LRRC74B: variants seen among roughly 807,000 people sequenced by gnomAD.
LRRC74B encodes the protein leucine rich repeat containing 74B, also known as leucine-rich repeat-containing protein 74B.
Under a neutral mutation model 16.6 loss-of-function variants are expected in LRRC74B, and 30 were observed. That is an observed-to-expected ratio of 1.80 (90% confidence interval 1.35 to 2.45). LRRC74B has a LOEUF of 2.45. Ranked by LOEUF, LRRC74B falls within the 30% of genes most tolerant of loss-of-function variation. LRRC74B has a pLI of 0.00. For missense variants in LRRC74B, 326 were observed against 202.4 expected (o/e 1.61, Z -3.71); for synonymous variants, 134 against 86.0 (o/e 1.56, Z -3.09).
intron 8 of LRRC74B, among the ~76,000 whole-genome samples, chr22:21,057,925 G>A (rs990362372): frequency 2.7e-5 from 4 of 147,590 alleles, no homozygotes; most frequent in Non-Finnish European, 4.5e-5. Flanking sequence ...TCACTCTGTC[G>A]CCCAGGCTGG....
chr22:21,053,671 T>C (rs1287230778), intron 6 of LRRC74B, 196 bp downstream of exon 6: 3 of 505,302 alleles, frequency 5.9e-6, no homozygotes, highest in Non-Finnish European at 1.1e-5. Context: ...TTGCCCAGGG[T>C]AGAGTGCAGT....
rs569155347 is a variant in LRRC74B at position 21,048,233 on chromosome 22, A to C, written c.415+217A>C. ...GAAGTCCTTTCCTCACCCACCCCAC[A>C]CCATCACTCCCCTCCCTTGCTGGCC... On this transcript the variant is annotated intron_variant, in intron 3 of 8. Transcript: ENST00000442047. The C allele has an allele frequency of 3.3e-5, 18 of 552,280 alleles. No homozygotes were observed. The African/African-American group carries it at 3.4e-4, about 10-fold the overall frequency. 34.2% of individuals were successfully genotyped at this position (552,280 alleles called of 1,614,324 possible).
At chr22:21,057,079 C>T (rs768723782) in intron 7 of LRRC74B, 26 bp from the exon 8 acceptor site, 27 of 716,790 alleles carry the variant, frequency 3.8e-5, no homozygotes, top group East Asian at 3.0e-4. Context: ...CCTGGCTTCT[C>T]GCAGCTTTGT....
chr22:21,053,349 T>G lies in LRRC74B; in HGVS notation c.733-11T>G, dbSNP rs1366741683. Reference sequence around the variant, plus strand: ...GATGGGGTCCCATGACTTCACTCTTTGGTATTCTAGGCAAACATCTTCCTT... The same window carrying G: ...GATGGGGTCCCATGACTTCACTCTTGGGTATTCTAGGCAAACATCTTCCTT... On this transcript the variant is annotated splice_polypyrimidine_tract_variant and intron_variant, in intron 5 of 8. Transcript: ENST00000442047. 1 of 716,168 alleles carries G rather than the reference T, an allele frequency of 1.4e-6. No individual in the cohort carries two copies. The highest frequency in any genetic ancestry group is 2.6e-6 in the Non-Finnish European group (1 of 384,480). The allele number at this position is 716,168 out of a possible 1,614,324, so 44.4% of individuals were successfully genotyped here. A position where few individuals can be genotyped will look rare whatever the true frequency, so the allele number is the denominator to read the frequency against.
intron 6 of LRRC74B, among the ~76,000 whole-genome samples, chr22:21,054,578 C>T (rs1386788562): frequency 8.5e-5 from 13 of 152,214 alleles, no homozygotes; most frequent in Non-Finnish European, 1.5e-5. Context: ...GCCCAGCTTT[C>T]CTCCCCATGG....
At chr22:21,061,240 T>C (rs1199609458), downstream of LRRC74B, among the ~76,000 whole-genome samples, 2 of 151,996 alleles carry the variant, frequency 1.3e-5, no homozygotes, top group African/African-American at 2.4e-5. Context: ...GGCAGGAGAA[T>C]TGCTTGAATC....
intron 1 of LRRC74B, 144 bp from the exon 2 acceptor site, chr22:21,047,212 T>C: frequency 1.7e-6 from 1 of 595,020 alleles, no homozygotes; most frequent in Non-Finnish European, 3.1e-6. Flanking sequence ...TCCTCATCTG[T>C]CATATGGGAG....
In LRRC74B at chr22:21,048,017, G is replaced by C. The variant is rs1569194211; in HGVS notation, c.415+1G>C. On this transcript the variant is annotated splice_donor_variant, in intron 3 of 8. Transcript: ENST00000442047. LOFTEE classifies it high-confidence loss of function. ...CTGAGCAAAAGCAGCAGCATCCATG[G>C]TAGGTGCTGGGTCTGGGGCAGGTGG... The C allele has an allele frequency of 1.4e-6, 1 of 717,286 alleles. No homozygotes were observed. Among genetic ancestry groups the C allele is most frequent in the African/African-American group, 1.7e-5 (1 of 57,230 alleles). The allele number at this position is 717,286 out of a possible 1,614,324, so 44.4% of individuals were successfully genotyped here.
At chr22:21,056,846 C>T in intron 7 of LRRC74B, 1 of 442,486 alleles carries the variant, frequency 2.3e-6, no homozygotes, top group Non-Finnish European at 4.0e-6. Context: ...TCCCCTCTCC[C>T]CAGCAGGCAA....
At chr22:21,049,671 A>G (rs1438537156) in intron 4 of LRRC74B, among the ~76,000 whole-genome samples, 3 of 151,822 alleles carry the variant, frequency 2.0e-5, no homozygotes, top group South Asian at 2.1e-4. Context: ...AGACTGGCGG[A>G]CAGCAGTGTG....
chr22:21,063,754 C>T (rs1930918218), downstream of LRRC74B: 1 of 152,280 alleles, frequency 6.6e-6, no homozygotes, highest in Non-Finnish European at 1.5e-5. Flanking sequence ...GTGGGTGAAT[C>T]ACTTGAGGTC....
In LRRC74B at chr22:21,053,160, G is replaced by T. The variant is rs530087462; in HGVS notation, c.733-200G>T. ...TTCCTGTTGTGCTCTGGGCCACTGG[G>T]CTCTGTTGACCACCATCATCCAAGC... On this transcript the variant is annotated intron_variant, in intron 5 of 8. Coordinates refer to ENST00000442047, the Ensembl canonical transcript of LRRC74B. Among the ~76,000 whole-genome samples the T allele has an allele frequency of 2.2e-3, 329 of 152,260 alleles. 3 individuals carry two copies. The highest frequency in any genetic ancestry group is 7.7e-3 in the African/African-American group (322 of 41,550).
rs865791430 is a variant in LRRC74B, at chr22:21,047,856, G to T, written c.283-28G>T. 6 of 716,416 alleles carry T rather than the reference G, an allele frequency of 8.4e-6. No individual in the cohort carries two copies. In the Middle Eastern group the frequency reaches 1.5e-3, roughly 179 times the overall value. 44.4% of individuals were successfully genotyped at this position (716,416 alleles called of 1,614,324 possible). A position where few individuals can be genotyped will look rare whatever the true frequency, so the allele number is the denominator to read the frequency against. On this transcript the variant is annotated intron_variant, in intron 2 of 8. Coordinates refer to ENST00000442047, the Ensembl canonical transcript of LRRC74B. ...CCCTGGAGCATGAGCCAGGATAGTG[G>T]CCAGTGTGTTTGCTCTGTCTGTCCC...
intron 8 of LRRC74B, among the ~76,000 whole-genome samples, chr22:21,060,083 T>C (rs1201475504): frequency 6.6e-6 from 1 of 152,112 alleles, no homozygotes; most frequent in Non-Finnish European, 1.5e-5. Flanking sequence ...AGAGGATAGA[T>C]AGCTTGAGTC....
intron 8 of LRRC74B, among the ~76,000 whole-genome samples, chr22:21,059,492 C>T (rs1212226891): frequency 2.0e-5 from 3 of 152,148 alleles, no homozygotes; most frequent in Non-Finnish European, 2.9e-5. Context: ...AACCAGAAAG[C>T]GGAGGTTTCA....
At chr22:21,060,432 A>G (rs1178697032) in exon 9 of LRRC74B, 5 of 717,156 alleles carry the variant, frequency 7.0e-6, no homozygotes, top group East Asian at 2.7e-5. Flanking sequence ...GAATTCTTCC[A>G]GAACTCTGCA....
chr22:21,057,313 A>G, intron 8 of LRRC74B, 113 bp downstream of exon 8: 5 of 631,620 alleles, frequency 7.9e-6, no homozygotes, highest in South Asian at 7.4e-5. Context: ...GCCCAGTTAC[A>G]CAGCGTGGCA....
chr22:21,053,773 G>A, intron 6 of LRRC74B: 1 of 225,592 alleles, frequency 4.4e-6, no homozygotes, highest in Non-Finnish European at 8.6e-6. Context: ...ACAGGAGTAT[G>A]TCACCAAGCC....
At chr22:21,061,903 A>G (rs553873560), downstream of LRRC74B, 2 of 152,328 alleles carry the variant, frequency 1.3e-5, no homozygotes, top group South Asian at 2.1e-4. Context: ...GGTGATACCA[A>G]TGTTCTAAAA....
Sources: allele counts gnomAD v4.1 joint callset (sites outside exome capture counted in the v4.1 genomes callset), GRCh38; gene constraint gnomAD v4.1.1; transcripts MANE v1.5; gene names NCBI Gene and HGNC (gene_info 2026-07-23, HGNC 2026-07-21).